The following LEKR1 variants were observed in gnomAD, a reference collection of about 807,000 sequenced individuals.
LEKR1 encodes protein LEKR1.
LEKR1 carries 59 observed loss-of-function variants against 72.4 expected under a neutral mutation model. The ratio of observed to expected loss-of-function variants is 0.82; its 90% CI spans 0.66 to 1.01. The LOEUF (loss-of-function observed/expected upper bound fraction) is 1.01, where lower values mean the gene tolerates loss of function less well. LEKR1 is among the 50% of genes least tolerant of loss of function. LEKR1 has a pLI of 0.00. For missense variants in LEKR1, 728 were observed against 759.2 expected (o/e 0.96, Z 0.48); for synonymous variants, 257 against 263.2 (o/e 0.98, Z 0.23).
chr3:156,988,022 T>G (rs1730848931), intron 7 of LEKR1: 1 of 152,192 alleles, frequency 6.6e-6, no homozygotes, highest in Non-Finnish European at 1.5e-5. Flanking sequence ...AAAACAAACC[T>G]AAACTAAACC....
At chr3:157,004,992 A>G (rs899378658) in intron 9 of LEKR1, among the ~76,000 whole-genome samples, 4 of 152,188 alleles carry the variant, frequency 2.6e-5, no homozygotes, top group African/African-American at 9.6e-5. Flanking sequence ...TATCAGTGAA[A>G]CAAAAATTTG....
At chr3:156,921,242 G>T (rs567567332) in intron 4 of LEKR1, among the ~76,000 whole-genome samples, 1 of 152,130 alleles carries the variant, frequency 6.6e-6, no homozygotes, top group East Asian at 1.9e-4. Context: ...TTATGAGAAA[G>T]AATAGTTCCT....
intron 2 of LEKR1, among the ~76,000 whole-genome samples, chr3:156,836,574 G>A (rs1018471697): frequency 1.3e-5 from 2 of 152,272 alleles, no homozygotes; most frequent in East Asian, 3.9e-4. Flanking sequence ...ACTCTAGCCA[G>A]GACAAACAGC....
At position 156,918,352 on chromosome 3, in the gene LEKR1, A is replaced by G. The variant is rs1042642977; in HGVS notation, c.264-2223A>G. 3.3e-5 allele frequency among the ~76,000 whole-genome samples: 5 copies of G among 152,282 alleles called. No individual in the cohort carries two copies. The East Asian group carries it at 5.8e-4, about 18-fold the overall frequency. On this transcript the variant is annotated intron_variant, in intron 3 of 12. Coordinates refer to ENST00000356539, the MANE Select transcript of LEKR1 (RefSeq NM_001004316.3). ...CTTCCATCTGCATGTGCAGCTAAGTATGGCCATGTATCTAAGTTCAGTAGA... is the reference window on the plus strand; with the variant it reads ...CTTCCATCTGCATGTGCAGCTAAGTGTGGCCATGTATCTAAGTTCAGTAGA...
chr3:156,834,376 T>G (rs1033738981), intron 2 of LEKR1, among the ~76,000 whole-genome samples: 6 of 152,218 alleles, frequency 3.9e-5, no homozygotes, highest in African/African-American at 1.2e-4. Context: ...TACAACTTGC[T>G]TAAACCTTCA....
intron 5 of LEKR1, 136 bp downstream of exon 5, chr3:156,927,740 A>T: frequency 3.3e-6 from 1 of 303,790 alleles, no homozygotes; most frequent in South Asian, 3.0e-5. Context: ...GTAGATGACC[A>T]TTAAGATCTA....
intron 6 of LEKR1, among the ~76,000 whole-genome samples, chr3:156,967,223 C>G (rs1560113548): frequency 1.3e-5 from 2 of 152,214 alleles, no homozygotes; most frequent in African/African-American, 2.4e-5. Context: ...CAGAACACCT[C>G]TCCTCCTCCA....
chr3:156,837,927 CTCTT>C (rs1444692931), intron 2 of LEKR1, among the ~76,000 whole-genome samples: 1 of 152,170 alleles, frequency 6.6e-6, no homozygotes, highest in Non-Finnish European at 1.5e-5. Flanking sequence ...AGAAAATCAT[CTCTT>C]TCTGTTTCAT....
intron 6 of LEKR1, among the ~76,000 whole-genome samples, chr3:156,973,118 C>A (rs1236862724): frequency 3.3e-5 from 5 of 151,988 alleles, no homozygotes; most frequent in African/African-American, 1.2e-4. Context: ...TAATCTTAGG[C>A]ACTTAATTCT....
intron 3 of LEKR1, chr3:156,888,386 A>G (rs1219815303): frequency 8.5e-6 from 6 of 702,216 alleles, no homozygotes; most frequent in African/African-American, 1.7e-5. Flanking sequence ...TCTGTCACTG[A>G]GCCATACATA....
At chr3:156,910,455 C>G (rs1346057602) in intron 3 of LEKR1, among the ~76,000 whole-genome samples, 1 of 152,140 alleles carries the variant, frequency 6.6e-6, no homozygotes, top group Non-Finnish European at 1.5e-5. Flanking sequence ...ATAATTGAAT[C>G]ATGGAGGGAT....
At chr3:156,907,644 T>G (rs1254677018) in intron 3 of LEKR1, among the ~76,000 whole-genome samples, 1 of 152,128 alleles carries the variant, frequency 6.6e-6, no homozygotes, top group Non-Finnish European at 1.5e-5. Flanking sequence ...CAAGTCATTC[T>G]TTTCAAAAAA....
chr3:156,829,799 AG>A (rs1712123502), intron 2 of LEKR1, among the ~76,000 whole-genome samples: 1 of 152,220 alleles, frequency 6.6e-6, no homozygotes, highest in Admixed American at 6.5e-5. Flanking sequence ...TAAATTGTGT[AG>A]GTCCACTTAT....
chr3:156,989,812 T>C (rs1203140793), intron 7 of LEKR1, among the ~76,000 whole-genome samples: 2 of 151,772 alleles, frequency 1.3e-5, no homozygotes, highest in African/African-American at 4.8e-5. Context: ...TCCCTCTCCC[T>C]CTCTCTCTGC....
intron 3 of LEKR1, among the ~76,000 whole-genome samples, chr3:156,896,632 A>G (rs1459623900): frequency 6.6e-6 from 1 of 152,240 alleles, no homozygotes; most frequent in East Asian, 1.9e-4. Context: ...GCCACTGTGG[A>G]CAGCAGTTTG....
At chr3:156,837,206 T>A (rs1012019652) in intron 2 of LEKR1, among the ~76,000 whole-genome samples, 2 of 152,216 alleles carry the variant, frequency 1.3e-5, no homozygotes. Context: ...AGGAGATATC[T>A]CCATCGTCCC....
At chr3:156,848,705 G>A (rs1361156256) in intron 2 of LEKR1, among the ~76,000 whole-genome samples, 4 of 152,156 alleles carry the variant, frequency 2.6e-5, no homozygotes, top group Admixed American at 2.0e-4. Flanking sequence ...ATGACATGCT[G>A]TGGAGTTCTG....
intron 3 of LEKR1, among the ~76,000 whole-genome samples, chr3:156,908,172 G>A (rs926556284): frequency 2.0e-5 from 3 of 152,020 alleles, no homozygotes; most frequent in Admixed American, 6.6e-5. Context: ...GGCTAAACTG[G>A]TATTTGCTAG....
chr3:156,881,269 A>G (rs1719302702), intron 3 of LEKR1, among the ~76,000 whole-genome samples: 8 of 152,012 alleles, frequency 5.3e-5, no homozygotes, highest in Admixed American at 5.2e-4. Context: ...TCAGCCCAAA[A>G]TCTCCTTAAC....
Sources: allele counts gnomAD v4.1 joint callset (sites outside exome capture counted in the v4.1 genomes callset), GRCh38; gene constraint gnomAD v4.1.1; transcripts MANE v1.5; gene names NCBI Gene and HGNC (gene_info 2026-07-23, HGNC 2026-07-21).